The following FMNL2 variants were observed in gnomAD, a reference collection of about 807,000 sequenced individuals.
The protein encoded by FMNL2 is formin-like protein 2.
In FMNL2, 51 loss-of-function variants were observed where a neutral mutation model predicts 130.2. The observed-to-expected ratio is 0.39, with a 90% confidence interval of 0.31 to 0.49. The LOEUF is 0.49. Ranked by LOEUF, FMNL2 falls within the 20% of genes least tolerant of loss-of-function variation. The pLI is 0.85. For missense variants in FMNL2, 977 were observed against 1,316.2 expected (o/e 0.74, Z 3.99); for synonymous variants, 465 against 467.1 (o/e 1.00, Z 0.06).
intron 1 of FMNL2, among the ~76,000 whole-genome samples, chr2:152,365,940 A>T (rs1381491371): frequency 1.3e-5 from 2 of 152,166 alleles, no homozygotes; most frequent in Non-Finnish European, 2.9e-5. Flanking sequence ...GACTCCTGAG[A>T]TTCTTATGAA....
chr2:152,569,771 G>T (rs912916996), intron 6 of FMNL2, among the ~76,000 whole-genome samples: 8 of 151,634 alleles, frequency 5.3e-5, no homozygotes, highest in Non-Finnish European at 1.5e-5. Context: ...GCATTTGGGA[G>T]GTCAAGGTGG....
At chr2:152,627,780 A>G (rs1290139741) in intron 17 of FMNL2, among the ~76,000 whole-genome samples, 2 of 152,260 alleles carry the variant, frequency 1.3e-5, no homozygotes, top group African/African-American at 2.4e-5. Context: ...AAAACATTCA[A>G]TAATACAGGC....
chr2:152,582,206 G>T (rs1346530389), intron 9 of FMNL2, among the ~76,000 whole-genome samples: 1 of 152,168 alleles, frequency 6.6e-6, no homozygotes, highest in East Asian at 1.9e-4. Flanking sequence ...TGGCCTTATT[G>T]TTTGTGAATC....
At chr2:152,460,589 T>C (rs148171268) in intron 1 of FMNL2, among the ~76,000 whole-genome samples, 1 of 152,352 alleles carries the variant, frequency 6.6e-6, no homozygotes, top group African/African-American at 2.4e-5. Context: ...CACGGACCTG[T>C]TAGGAACCAG....
chr2:152,484,473 C>T (rs1234208402), intron 1 of FMNL2, among the ~76,000 whole-genome samples: 2 of 150,444 alleles, frequency 1.3e-5, no homozygotes, highest in African/African-American at 4.9e-5. Flanking sequence ...GACTGTGTCT[C>T]TTGAAAAAAA....
intron 6 of FMNL2, among the ~76,000 whole-genome samples, chr2:152,569,865 G>C (rs1696078413): frequency 6.6e-6 from 1 of 151,480 alleles, no homozygotes; most frequent in Non-Finnish European, 1.5e-5. Flanking sequence ...AAAAAAATTA[G>C]CTTGGCATGG....
intron 10 of FMNL2, chr2:152,607,689 C>T (rs1475361031): frequency 7.9e-6 from 2 of 253,606 alleles, no homozygotes; most frequent in Non-Finnish European, 1.5e-5. Flanking sequence ...AACAGCCATG[C>T]CTGGTGCAAA....
chr2:152,380,831 C>G (rs16831018), intron 1 of FMNL2, among the ~76,000 whole-genome samples: 1 of 152,014 alleles, frequency 6.6e-6, no homozygotes, highest in South Asian at 2.1e-4. Flanking sequence ...TCTGTAAGAC[C>G]GTTCTAGTTT....
rs754013100 is a variant in FMNL2 at position 152,640,074 on chromosome 2, C to T, written c.3045+18C>T. On this transcript the variant is annotated intron_variant, in intron 24 of 25. Transcript: ENST00000288670. ...ATCCAAAGGTAAGAAGTGCCGCACT[C>T]ATGAGACAGGTCCGTGAGGAGAGGC... 186 of 1,536,254 alleles carry T rather than the reference C, an allele frequency of 1.2e-4. No homozygotes were observed. In the Middle Eastern group the frequency reaches 1.5e-3, roughly 13 times the overall value.
intron 1 of FMNL2, among the ~76,000 whole-genome samples, chr2:152,516,772 A>T (rs183564894): frequency 3.9e-5 from 6 of 152,242 alleles, no homozygotes; most frequent in Admixed American, 3.3e-4. Context: ...GTTGTGAATG[A>T]TTTGGGCACC....
chr2:152,377,643 T>C (rs1684245783), intron 1 of FMNL2, among the ~76,000 whole-genome samples: 1 of 152,192 alleles, frequency 6.6e-6, no homozygotes, highest in South Asian at 2.1e-4. Flanking sequence ...AAAGTTCCAT[T>C]GTACAGTACT....
At chr2:152,529,387 A>G (rs1424399955) in intron 2 of FMNL2, among the ~76,000 whole-genome samples, 1 of 152,242 alleles carries the variant, frequency 6.6e-6, no homozygotes, top group African/African-American at 2.4e-5. Flanking sequence ...AAAGAAAGGC[A>G]TTTTGTATCT....
intron 9 of FMNL2, among the ~76,000 whole-genome samples, chr2:152,586,850 A>G (rs759486097): frequency 2.0e-5 from 3 of 152,078 alleles, no homozygotes; most frequent in Non-Finnish European, 4.4e-5. Flanking sequence ...ATACGAAAGT[A>G]CCCCACACTT....
intron 1 of FMNL2, among the ~76,000 whole-genome samples, chr2:152,425,412 T>C (rs1255993385): frequency 6.6e-6 from 1 of 152,212 alleles, no homozygotes; most frequent in African/African-American, 2.4e-5. Flanking sequence ...TTCAGTGTGA[T>C]AAAAATGTTA....
intron 9 of FMNL2, among the ~76,000 whole-genome samples, chr2:152,582,070 A>G (rs1419192135): frequency 6.6e-6 from 1 of 152,292 alleles, no homozygotes; most frequent in East Asian, 1.9e-4. Flanking sequence ...ACAAATATTA[A>G]TATCTTGATT....
At position 152,617,359 on chromosome 2, in the gene FMNL2, C is replaced by T. The variant is rs118018148; in HGVS notation, c.1314+167C>T. ...TCAGTTGAAAACTACACATAGTCGG[C>T]GTTATGTATACACATGTGTGTGCAA... On this transcript the variant is annotated intron_variant, in intron 13 of 25. Transcript: ENST00000288670. 9.2e-5 allele frequency among the ~76,000 whole-genome samples: 14 copies of T among 152,282 alleles called. No individual in the cohort carries two copies. The East Asian group carries it at 1.9e-3, about 21-fold the overall frequency.
chr2:152,343,210 C>G (rs145765512), intron 1 of FMNL2, among the ~76,000 whole-genome samples: 1 of 152,204 alleles, frequency 6.6e-6, no homozygotes, highest in African/African-American at 2.4e-5. Flanking sequence ...ACCCTGCTAT[C>G]CCCAGAAGTA....
At chr2:152,641,972 A>G (rs1438669308) in intron 25 of FMNL2, among the ~76,000 whole-genome samples, 2 of 147,814 alleles carry the variant, frequency 1.4e-5, no homozygotes, top group African/African-American at 2.5e-5. Flanking sequence ...ATGGAGTCTC[A>G]TTCTGTTGCC....
At position 152,576,716 on chromosome 2, in the gene FMNL2, G is replaced by A. The variant is rs149185490; in HGVS notation, c.705+1472G>A. Reference sequence around the variant, plus strand: ...GCCAGCTAGGGAAGGGTCACTGAGAGGGTAACATCTAGTAACAACTTGAAT... The same window carrying A: ...GCCAGCTAGGGAAGGGTCACTGAGAAGGTAACATCTAGTAACAACTTGAAT... On this transcript the variant is annotated intron_variant, in intron 7 of 25. Coordinates refer to ENST00000288670, the MANE Select transcript of FMNL2 (RefSeq NM_052905.4). Among the ~76,000 whole-genome samples, 4 of 152,288 alleles carry A rather than the reference G, an allele frequency of 2.6e-5. No individual in the cohort carries two copies. In the East Asian group the frequency reaches 7.7e-4, roughly 29 times the overall value.
Sources: gnomAD v4.1 joint callset for allele counts (sites outside exome capture counted in the v4.1 genomes callset) on GRCh38, gnomAD v4.1.1 for gene constraint, MANE v1.5 for transcripts, NCBI Gene and HGNC (gene_info 2026-07-23, HGNC 2026-07-21) for gene names.